The following CASK variants were observed in gnomAD, a reference collection of about 807,000 sequenced individuals.
CASK encodes calcium/calmodulin dependent serine protein kinase.
Under a neutral mutation model 82.9 loss-of-function variants are expected in CASK, and 4 were observed. The observed-to-expected ratio is 0.05, with a 90% CI of 0.02 to 0.11. CASK has a LOEUF of 0.11. Among genes scored for constraint, CASK ranks in the 10% least tolerant of loss-of-function variants. CASK has a pLI of 1.00. For missense variants in CASK, 358 were observed against 720.9 expected (o/e 0.50, Z 5.76); for synonymous variants, 259 against 253.5 (o/e 1.02, Z -0.20).
chrX:41,758,966 T>C (rs1489407600), intron 3 of CASK, among the ~76,000 whole-genome samples: 1 of 112,331 alleles, frequency 8.9e-6, no homozygotes, highest in African/African-American at 3.2e-5. Flanking sequence ...GCTTAATATC[T>C]TCCCTTTCGT....
chrX:41,538,272 A>C (rs779822769), intron 22 of CASK, among the ~76,000 whole-genome samples: 20 of 112,610 alleles, frequency 1.8e-4, no homozygotes, highest in African/African-American at 5.5e-4. Flanking sequence ...TGTGGTATTA[A>C]GCATAATTTA....
Position 41,745,518 on chromosome X carries a change from A to G in CASK, c.356+6T>C, listed in dbSNP as rs200402760. On this transcript the variant is annotated splice_donor_region_variant and intron_variant, in intron 4 of 26. Transcript: ENST00000378163. ...GACCTCTGGTGATTAGATATACAAT[A>G]CATACCTGGCTACAGCTTCACTGTA... The G allele has an allele frequency of 3.5e-5, 41 of 1,157,969 alleles. No homozygotes were observed. In the African/African-American group the frequency reaches 6.7e-4, roughly 19 times the overall value.
intron 5 of CASK, among the ~76,000 whole-genome samples, chrX:41,698,528 G>A (rs2067734346): frequency 9.0e-6 from 1 of 111,490 alleles, no homozygotes; most frequent in Non-Finnish European, 1.9e-5. Context: ...AGGGAGAAAG[G>A]GAAGGAAGGG....
chrX:41,901,100 G>A (rs745615203), intron 1 of CASK, among the ~76,000 whole-genome samples: 1 of 111,002 alleles, frequency 9.0e-6, no homozygotes, highest in South Asian at 3.8e-4. Context: ...ACTGGTTACC[G>A]GTGCTTCATT....
intron 21 of CASK, among the ~76,000 whole-genome samples, chrX:41,551,785 C>T (rs1034126263): frequency 9.9e-6 from 1 of 100,790 alleles, no homozygotes; most frequent in Non-Finnish European, 2.0e-5. Context: ...GAGGCTGAGG[C>T]AGGAGAATTG....
At chrX:41,693,049 G>A (rs1178566856) in intron 5 of CASK, among the ~76,000 whole-genome samples, 2 of 111,033 alleles carry the variant, frequency 1.8e-5, no homozygotes, top group East Asian at 5.6e-4. Context: ...AATCCTAATG[G>A]AACTTAAATT....
chrX:41,549,903 T>C (rs1380104578), intron 21 of CASK, among the ~76,000 whole-genome samples: 1 of 110,101 alleles, frequency 9.1e-6, no homozygotes, highest in East Asian at 2.9e-4. Flanking sequence ...CTCACACCTG[T>C]AATCCTAGCA....
At chrX:41,697,974 G>A (rs1337291121) in intron 5 of CASK, 1 of 110,069 alleles carries the variant, frequency 9.1e-6, no homozygotes, top group African/African-American at 3.3e-5. Context: ...GCTACTTTTT[G>A]GATTTTTAGT....
chrX:41,565,054 G>A (rs981256584), intron 16 of CASK, among the ~76,000 whole-genome samples: 9 of 111,818 alleles, frequency 8.0e-5, no homozygotes, highest in South Asian at 7.4e-4. Flanking sequence ...AAGACACAAC[G>A]TACCAGAATC....
chrX:41,596,189 T>A (rs1480609948), intron 12 of CASK, among the ~76,000 whole-genome samples: 1 of 89,006 alleles, frequency 1.1e-5, no homozygotes, highest in Non-Finnish European at 2.4e-5. Flanking sequence ...AGTGAGACTC[T>A]GTCTCAAAAA....
intron 3 of CASK, among the ~76,000 whole-genome samples, chrX:41,783,426 G>A (rs758936866): frequency 1.8e-5 from 2 of 108,681 alleles, no homozygotes; most frequent in African/African-American, 3.4e-5. Context: ...TTAGCCAGGC[G>A]TGGTGACCTG....
At chrX:41,878,197 T>C (rs776871382) in intron 1 of CASK, among the ~76,000 whole-genome samples, 1 of 110,242 alleles carries the variant, frequency 9.1e-6, no homozygotes, top group African/African-American at 3.3e-5. Context: ...TGGTATTTAT[T>C]TGGGAATAGG....
At chrX:41,607,266 C>G (rs774507474) in intron 12 of CASK, among the ~76,000 whole-genome samples, 11 of 112,211 alleles carry the variant, frequency 9.8e-5, no homozygotes, top group African/African-American at 3.6e-4. Context: ...TTCTCCCCTG[C>G]AATCTCAAGC....
intron 6 of CASK, among the ~76,000 whole-genome samples, chrX:41,668,747 CT>C (rs1044375070): frequency 3.7e-4 from 39 of 104,631 alleles, no homozygotes; most frequent in South Asian, 4.1e-4. Context: ...GAATTTCTTT[CT>C]TTTTTTTTTT....
At chrX:41,848,476 T>G (rs978129977) in intron 2 of CASK, among the ~76,000 whole-genome samples, 1 of 111,926 alleles carries the variant, frequency 8.9e-6, no homozygotes, top group African/African-American at 3.3e-5. Context: ...TCTTGCCAGG[T>G]GATCTCTGTA....
intron 1 of CASK, among the ~76,000 whole-genome samples, chrX:41,855,782 C>T (rs1329044840): frequency 3.6e-5 from 4 of 112,041 alleles, no homozygotes; most frequent in Non-Finnish European, 5.6e-5. Context: ...CATATTTCCA[C>T]TAATTATGAC....
chrX:41,759,463 C>T (rs147054847), intron 3 of CASK, among the ~76,000 whole-genome samples: 1 of 111,526 alleles, frequency 9.0e-6, no homozygotes, highest in South Asian at 3.8e-4. Context: ...TGTGGTAGTT[C>T]TGTGGGTCTA....
At chrX:41,614,086 T>A (rs1180759646) in intron 11 of CASK, among the ~76,000 whole-genome samples, 1 of 112,434 alleles carries the variant, frequency 8.9e-6, no homozygotes, top group East Asian at 2.8e-4. Flanking sequence ...TAGTAACATC[T>A]TGCAAAACTG....
At chrX:41,706,369 G>T (rs1202546555) in intron 5 of CASK, among the ~76,000 whole-genome samples, 1 of 110,923 alleles carries the variant, frequency 9.0e-6, no homozygotes, top group Non-Finnish European at 1.9e-5. Context: ...CTTGAATAAT[G>T]GTAGGAGGGA....
Sources: allele counts gnomAD v4.1 joint callset (sites outside exome capture counted in the v4.1 genomes callset), GRCh38; gene constraint gnomAD v4.1.1; transcripts MANE v1.5; gene names NCBI Gene and HGNC (gene_info 2026-07-23, HGNC 2026-07-21).